Variants in WDHD1 observed in about 807,000 individuals in gnomAD.
The protein encoded by WDHD1 is WD repeat and HMG-box DNA binding protein 1, also known as WD repeat and HMG-box DNA-binding protein 1.
In WDHD1, 111 loss-of-function variants were observed where a neutral mutation model predicts 135.4. The observed-to-expected ratio is 0.82, with a 90% CI of 0.70 to 0.96. The LOEUF is 0.96. WDHD1 is among the 40% of genes least tolerant of loss of function. The pLI, the probability that WDHD1 is intolerant of heterozygous loss-of-function variation, is 0.00. For synonymous variants in WDHD1, 434 were observed against 439.0 expected, an observed-to-expected ratio of 0.99 and a Z score of 0.14; for missense variants, 1,351 against 1,336.3, an observed-to-expected ratio of 1.01 and a Z score of -0.17.
At chr14:54,969,358 AAGAG>A (rs928345041) in intron 16 of WDHD1, among the ~76,000 whole-genome samples, 1 of 151,110 alleles carries the variant, frequency 6.6e-6, no homozygotes, top group East Asian at 1.9e-4. Context: ...AAAAAAAAAA[AAGAG>A]AGAGAGAAAG....
In WDHD1 at chr14:55,003,378, G is replaced by C. The variant is rs1382691202; in HGVS notation, c.601-1193C>G. Among the ~76,000 whole-genome samples, 4 of 151,910 alleles carry C rather than the reference G, an allele frequency of 2.6e-5. No individual in the cohort carries two copies. The East Asian group carries it at 5.8e-4, about 22-fold the overall frequency. ...TAAAAAAATTAGCCAGCCATTGTGG[G>C]CGCGTGCCTCTAGTCCCAGCTACTC... On this transcript the variant is annotated intron_variant, in intron 7 of 25. Coordinates refer to ENST00000360586, the MANE Select transcript of WDHD1 (RefSeq NM_007086.4).
chr14:54,957,383 A>C (rs2041178029), intron 22 of WDHD1, among the ~76,000 whole-genome samples, 179 bp from the exon 23 acceptor site: 1 of 152,212 alleles, frequency 6.6e-6, no homozygotes, highest in Admixed American at 6.6e-5. Context: ...CCACATCCCC[A>C]AGAAAGACAG....
chr14:54,941,723 T>C, intron 25 of WDHD1, 33 bp from the exon 26 acceptor site: 1 of 1,549,740 alleles, frequency 6.5e-7, no homozygotes, highest in African/African-American at 1.4e-5. Context: ...AAAGGAAAGA[T>C]TTTTAGAAAA....
At chr14:55,020,209 A>G (rs987839390) in intron 2 of WDHD1, among the ~76,000 whole-genome samples, 2 of 152,202 alleles carry the variant, frequency 1.3e-5, no homozygotes, top group Admixed American at 1.3e-4. Context: ...CAAAATCAAA[A>G]CCACGTAGTG....
intron 10 of WDHD1, among the ~76,000 whole-genome samples, chr14:54,996,838 C>A (rs1458979658): frequency 6.6e-6 from 1 of 152,152 alleles, no homozygotes; most frequent in Non-Finnish European, 1.5e-5. Context: ...TGTCGCCAGG[C>A]TGGAGTGCAG....
chr14:55,022,103 T>C (rs930853415), intron 2 of WDHD1, among the ~76,000 whole-genome samples: 2 of 152,206 alleles, frequency 1.3e-5, no homozygotes, highest in African/African-American at 2.4e-5. Context: ...ATTGAACTTA[T>C]GGTGTTCTGG....
intron 2 of WDHD1, among the ~76,000 whole-genome samples, chr14:55,019,756 C>G (rs1170850365): frequency 6.6e-6 from 1 of 152,126 alleles, no homozygotes; most frequent in African/African-American, 2.4e-5. Context: ...GTGATCCCAG[C>G]TACTTGGGAG....
At chr14:55,010,276 A>G in intron 4 of WDHD1, 33 bp downstream of exon 4, 2 of 1,523,606 alleles carry the variant, frequency 1.3e-6, no homozygotes, top group South Asian at 1.3e-5. Flanking sequence ...TTGTTCTAAC[A>G]TTATTTCCTT....
chr14:54,983,892 T>C (rs759510212), intron 15 of WDHD1, among the ~76,000 whole-genome samples: 7 of 152,090 alleles, frequency 4.6e-5, no homozygotes, highest in Non-Finnish European at 8.8e-5. Flanking sequence ...ATCGAAGATA[T>C]CTCAAATATT....
chr14:54,939,473 C>A lies in WDHD1; in HGVS notation c.*2017G>T, dbSNP rs1326554879. 4.6e-5 allele frequency: 7 copies of A among 151,532 alleles called. No homozygotes were observed. The highest frequency in any genetic ancestry group is 7.3e-5 in the African/African-American group (3 of 41,192). 9.4% of individuals were successfully genotyped at this position (151,532 alleles called of 1,614,324 possible). A position where few individuals can be genotyped will look rare whatever the true frequency, so the allele number is the denominator to read the frequency against. Reference sequence around the variant, plus strand: ...TTGGAGAATAAAATTAAGTATATGTCAATTTTCTATAGTATACAATAAGCT... The same window carrying A: ...TTGGAGAATAAAATTAAGTATATGTAAATTTTCTATAGTATACAATAAGCT... On this transcript the variant is annotated 3_prime_UTR_variant, in exon 26 of 26. Transcript: ENST00000360586.
intron 15 of WDHD1, among the ~76,000 whole-genome samples, chr14:54,982,614 AC>A (rs1297187850): frequency 2.6e-5 from 4 of 151,894 alleles, no homozygotes; most frequent in Admixed American, 2.6e-4. Context: ...GTGGCTTCAC[AC>A]CCCCCTCACT....
chr14:55,017,976 T>C (rs2140230758), intron 2 of WDHD1, among the ~76,000 whole-genome samples: 1 of 151,858 alleles, frequency 6.6e-6, no homozygotes, highest in East Asian at 1.9e-4. Flanking sequence ...CTACTAGACC[T>C]CCTGGCCTCA....
In WDHD1 at chr14:55,013,446, G is replaced by A. The variant is rs1410184409; in HGVS notation, c.189+39C>T. The A allele has an allele frequency of 2.2e-6, 3 of 1,360,680 alleles. No homozygotes were observed. In the Admixed American group the frequency reaches 5.1e-5, roughly 23 times the overall value. The allele number at this position is 1,360,680 out of a possible 1,614,324, so 84.3% of individuals were successfully genotyped here. On this transcript the variant is annotated intron_variant, in intron 3 of 25. Coordinates refer to ENST00000360586, the MANE Select transcript of WDHD1 (RefSeq NM_007086.4). Reference sequence around the variant, plus strand: ...ACTCAAGCATAAAAATCACATGCCAGTATCATTTCATATCAATTGATATAA... The same window carrying A: ...ACTCAAGCATAAAAATCACATGCCAATATCATTTCATATCAATTGATATAA...
At chr14:54,993,210 C>T (rs975648989) in intron 11 of WDHD1, among the ~76,000 whole-genome samples, 8 of 152,230 alleles carry the variant, frequency 5.3e-5, no homozygotes, top group Middle Eastern at 3.4e-3. Flanking sequence ...CTCGACCTCT[C>T]GGGCTCAAGA....
intron 16 of WDHD1, among the ~76,000 whole-genome samples, chr14:54,968,761 T>G (rs1036316086): frequency 2.0e-5 from 3 of 152,002 alleles, no homozygotes; most frequent in African/African-American, 4.8e-5. Context: ...CCAGAAAATT[T>G]AGAGGAAATG....
intron 24 of WDHD1, among the ~76,000 whole-genome samples, chr14:54,948,130 C>T (rs977358295): frequency 4.6e-5 from 7 of 152,004 alleles, no homozygotes; most frequent in Non-Finnish European, 1.0e-4. Context: ...ATGAGCGATG[C>T]AGAAGACGGG....
intron 9 of WDHD1, 79 bp from the exon 10 acceptor site, chr14:55,000,723 AG>A (rs1208413419): frequency 2.4e-5 from 29 of 1,232,406 alleles, no homozygotes; most frequent in Non-Finnish European, 3.1e-5. Flanking sequence ...AATTTTAGTT[AG>A]GAAAGAATAA....
chr14:55,022,644 T>C (rs2042368303), intron 2 of WDHD1, among the ~76,000 whole-genome samples: 1 of 151,618 alleles, frequency 6.6e-6, no homozygotes. Flanking sequence ...ATCGCGCCAC[T>C]GCACTCCAGC....
chr14:54,954,458 T>C (rs755385627), intron 24 of WDHD1, among the ~76,000 whole-genome samples: 1 of 152,224 alleles, frequency 6.6e-6, no homozygotes, highest in Non-Finnish European at 1.5e-5. Context: ...GAATTATAAG[T>C]GCAGATTAAC....
Sources: gnomAD v4.1 joint callset for allele counts (sites outside exome capture counted in the v4.1 genomes callset) on GRCh38, gnomAD v4.1.1 for gene constraint, MANE v1.5 for transcripts, NCBI Gene and HGNC (gene_info 2026-07-23, HGNC 2026-07-21) for gene names.